The following MAP3K1 variants were observed in gnomAD, a reference collection of about 807,000 sequenced individuals.
MAP3K1 encodes the protein mitogen-activated protein kinase kinase kinase 1, also known as MAP/ERK kinase kinase 1.
MAP3K1 carries 36 observed loss-of-function variants against 144.2 expected under a neutral mutation model. That is an observed-to-expected ratio of 0.25 (90% CI 0.19 to 0.33). The LOEUF (loss-of-function observed/expected upper bound fraction) is 0.33. Ranked by LOEUF, MAP3K1 falls within the 10% of genes least tolerant of loss-of-function variation. MAP3K1 has a pLI of 1.00. For synonymous variants in MAP3K1, 718 were observed against 688.7 expected, an observed-to-expected ratio of 1.04 and a Z score of -0.67; for missense variants, 1,650 against 1,881.9, an observed-to-expected ratio of 0.88 and a Z score of 2.28.
chr5:56,827,667 C>T (rs1251075132), intron 1 of MAP3K1, among the ~76,000 whole-genome samples: 1 of 152,090 alleles, frequency 6.6e-6, no homozygotes, highest in East Asian at 1.9e-4. Context: ...AGTTCGAGAC[C>T]AGCCAGGCCA....
chr5:56,872,737 AT>A lies in MAP3K1; in HGVS notation c.1505+16del. The stretch of plus-strand genomic sequence containing the variant: ...GATTTCTACAGGTAATAATTTTGAA[AT>A]GATACGGATATGTTTAATTTTTAAA... On this transcript the variant is annotated intron_variant, in intron 8 of 19. Coordinates refer to ENST00000399503, the MANE Select transcript of MAP3K1 (RefSeq NM_005921.2). 1 of 1,594,676 alleles carries A rather than the reference AT, an allele frequency of 6.3e-7. No individual in the cohort carries two copies. Among genetic ancestry groups the A allele is most frequent in the South Asian group, 1.1e-5 (1 of 90,628 alleles).
At chr5:56,844,196 T>G (rs1412479369) in intron 1 of MAP3K1, among the ~76,000 whole-genome samples, 1 of 137,792 alleles carries the variant, frequency 7.3e-6, no homozygotes, top group Non-Finnish European at 1.6e-5. Flanking sequence ...TTTTTTTTTT[T>G]TTTTTTTTTT....
chr5:56,865,638 A>G (rs1464927383), intron 5 of MAP3K1, among the ~76,000 whole-genome samples, 182 bp downstream of exon 5: 1 of 152,230 alleles, frequency 6.6e-6, no homozygotes, highest in East Asian at 1.9e-4. Context: ...TCTAGCTTGA[A>G]AAAAACAAAC....
Position 56,872,985 on chromosome 5 carries a change from T to A in MAP3K1, c.1666T>A (p.Leu556Ile). 6.2e-7 allele frequency: 1 copy of A among 1,614,046 alleles called. No individual in the cohort carries two copies. Among genetic ancestry groups the A allele is most frequent in the Non-Finnish European group, 8.5e-7 (1 of 1,179,974 alleles). The change falls in exon 9 of 20, where the codon TTA becomes ATA. Residue 556 changes from leucine (L) to isoleucine (I), a missense_variant. Around this residue, in one of 6 missense-constraint regions of MAP3K1, gnomAD observed 841 missense variants for 886.5 expected, o/e 0.95. Coordinates refer to ENST00000399503, the MANE Select transcript of MAP3K1 (RefSeq NM_005921.2). ...TQQIPPAYKD[L>I]AEPWIQVFGM... The stretch of plus-strand genomic sequence containing the variant: ...GCAAATCCCTCCTGCTTACAAAGAT[T>A]TAGCTGAGCCATGGATTCAGGTAAG...
chr5:56,869,579 A>G (rs1290133579), intron 6 of MAP3K1, among the ~76,000 whole-genome samples: 1 of 152,228 alleles, frequency 6.6e-6, no homozygotes, highest in East Asian at 1.9e-4. Flanking sequence ...TACATAAATG[A>G]TCTGAACAAT....
chr5:56,887,865 A>G (rs1041036491), intron 18 of MAP3K1: 5 of 433,536 alleles, frequency 1.2e-5, no homozygotes, highest in African/African-American at 6.0e-5. Context: ...ATACAGAGGC[A>G]GCTCCTGTCT....
chr5:56,837,762 ACC>A (rs1402630876), intron 1 of MAP3K1, among the ~76,000 whole-genome samples: 11 of 152,202 alleles, frequency 7.2e-5, no homozygotes, highest in Non-Finnish European at 5.9e-5. Flanking sequence ...TAAGCTTGAG[ACC>A]CATTTCCGTC....
intron 1 of MAP3K1, among the ~76,000 whole-genome samples, chr5:56,819,460 T>A (rs1442350236): frequency 6.6e-6 from 1 of 152,186 alleles, no homozygotes; most frequent in East Asian, 1.9e-4. Context: ...CAGCTACAGC[T>A]TGCCTAGGCT....
intron 1 of MAP3K1, among the ~76,000 whole-genome samples, chr5:56,828,835 C>T (rs1746395552): frequency 6.6e-6 from 1 of 151,800 alleles, no homozygotes; most frequent in Non-Finnish European, 1.5e-5. Flanking sequence ...TTGACTTCTT[C>T]TTGTGTTTAT....
chr5:56,825,013 T>G (rs948718413), intron 1 of MAP3K1, among the ~76,000 whole-genome samples: 3 of 152,102 alleles, frequency 2.0e-5, no homozygotes, highest in Non-Finnish European at 2.9e-5. Flanking sequence ...TTCTTCTTTT[T>G]TTGTTGTTGT....
At chr5:56,842,682 A>G (rs1271484194) in intron 1 of MAP3K1, among the ~76,000 whole-genome samples, 3 of 152,252 alleles carry the variant, frequency 2.0e-5, no homozygotes, top group Non-Finnish European at 4.4e-5. Flanking sequence ...TAGGTGGGTC[A>G]TAAGTATTAG....
intron 1 of MAP3K1, among the ~76,000 whole-genome samples, chr5:56,828,880 A>G (rs1746397426): frequency 1.6e-5 from 1 of 63,378 alleles, no homozygotes; most frequent in African/African-American, 4.5e-5. Context: ...ACATGTATGC[A>G]TCTTTTTTTT....
In MAP3K1 at chr5:56,815,610, G is replaced by A; in HGVS notation, c.37G>A (p.Gly13Arg). ...GGCGGGGAATCGCGCCTCGTCGTCGGGATTCCCGGGCGCCAGGGCTACGAG... is the reference window on the plus strand; with the variant it reads ...GGCGGGGAATCGCGCCTCGTCGTCGAGATTCCCGGGCGCCAGGGCTACGAG... ...AAAGNRASSS[G>R]FPGARATSPE... Residue 13 changes from glycine to arginine, a missense_variant, in exon 1 of 20, where the codon GGA becomes AGA. Transcript: ENST00000399503. 7.6e-7 allele frequency: 1 copy of A among 1,313,368 alleles called. No homozygotes were observed. The highest frequency in any genetic ancestry group is 9.7e-7 in the Non-Finnish European group (1 of 1,032,174). The allele number at this position is 1,313,368 out of a possible 1,614,324, so 81.4% of individuals were successfully genotyped here.
intron 6 of MAP3K1, among the ~76,000 whole-genome samples, chr5:56,870,759 A>C (rs1370338605): frequency 6.6e-6 from 1 of 152,282 alleles, no homozygotes; most frequent in Non-Finnish European, 1.5e-5. Context: ...GTACACCATA[A>C]TTTATTTAGC....
At chr5:56,893,206 A>G (rs903098778) in intron 19 of MAP3K1, among the ~76,000 whole-genome samples, 2 of 152,214 alleles carry the variant, frequency 1.3e-5, no homozygotes, top group Non-Finnish European at 2.9e-5. Context: ...GAGATTGAAT[A>G]TGAGGACAGC....
chr5:56,871,763 G>A, intron 6 of MAP3K1, 147 bp from the exon 7 acceptor site: 1 of 684,016 alleles, frequency 1.5e-6, no homozygotes, highest in Non-Finnish European at 2.6e-6. Flanking sequence ...TATATTAATA[G>A]TGTAAATATG....
chr5:56,840,216 C>T (rs1041147070), intron 1 of MAP3K1, among the ~76,000 whole-genome samples: 1 of 152,160 alleles, frequency 6.6e-6, no homozygotes, highest in Non-Finnish European at 1.5e-5. Context: ...GCCCTGATCT[C>T]GGCTCACTGC....
intron 1 of MAP3K1, chr5:56,816,965 C>G: frequency 2.1e-6 from 1 of 475,226 alleles, no homozygotes; most frequent in Non-Finnish European, 2.7e-6. Context: ...TCCCCGCAGC[C>G]CCTCCGGCTT....
chr5:56,894,688 A>G lies in MAP3K1; in HGVS notation c.*1008A>G, dbSNP rs1437702493. The G allele has an allele frequency of 4.3e-6, 1 of 232,244 alleles. No homozygotes were observed. Among genetic ancestry groups the G allele is most frequent in the African/African-American group, 2.2e-5 (1 of 45,280 alleles). 14.4% of individuals were successfully genotyped at this position (232,244 alleles called of 1,614,324 possible). A position where few individuals can be genotyped will look rare whatever the true frequency, so the allele number is the denominator to read the frequency against. On this transcript the variant is annotated 3_prime_UTR_variant, in exon 20 of 20. Coordinates refer to ENST00000399503, the MANE Select transcript of MAP3K1 (RefSeq NM_005921.2). ...CTCTGTATGTAACAATCCATCATTC[A>G]CCTTCACTACTGGTAGTAACATAGA... is the stretch of plus-strand genomic sequence containing the variant.
Sources: gnomAD v4.1 joint callset for allele counts (sites outside exome capture counted in the v4.1 genomes callset) on GRCh38, gnomAD v4.1.1 for gene constraint, gnomAD v4.1.1 regional missense constraint, MANE v1.5 for transcripts, NCBI Gene and HGNC (gene_info 2026-07-23, HGNC 2026-07-21) for gene names.